ZNG1B: variants seen among roughly 807,000 people sequenced by gnomAD.
ZNG1B encodes the protein Zn regulated GTPase metalloprotein activator 1B, also known as zinc-regulated GTPase metalloprotein activator 1B.
chr2:113,486,867 T>A, the ZNG1B span, among the ~76,000 whole-genome samples: 1 of 152,166 alleles, frequency 6.6e-6, no homozygotes, highest in African/African-American at 2.4e-5. Flanking sequence ...TAAACATTTT[T>A]GAAGACTAAA....
the ZNG1B span, among the ~76,000 whole-genome samples, chr2:113,483,016 T>C: frequency 6.8e-6 from 1 of 146,218 alleles, no homozygotes; most frequent in Non-Finnish European, 1.5e-5. Flanking sequence ...CACCTTTCCC[T>C]GTGAAACTTT....
At chr2:113,472,704 G>A in the ZNG1B span, among the ~76,000 whole-genome samples, 1 of 151,748 alleles carries the variant, frequency 6.6e-6, no homozygotes, top group African/African-American at 2.4e-5. Flanking sequence ...TTCTACATAT[G>A]GCTAGCCAGT....
At chr2:113,450,643 G>A in the ZNG1B span, among the ~76,000 whole-genome samples, 1 of 138,056 alleles carries the variant, frequency 7.2e-6, no homozygotes, top group Non-Finnish European at 1.5e-5. Context: ...TGCCACTTGT[G>A]TGCCCTATTC....
the ZNG1B span, chr2:113,438,948 CTG>C: frequency 6.5e-7 from 1 of 1,530,218 alleles, no homozygotes; most frequent in East Asian, 2.5e-5. Context: ...ACTTTGTAGA[CTG>C]TAAGTTTATT....
At chr2:113,444,125 A>G in the ZNG1B span, 1 of 432,398 alleles carries the variant, frequency 2.3e-6, no homozygotes, top group Non-Finnish European at 4.3e-6. Context: ...AGTGCATGAA[A>G]GTCTCATATG....
the ZNG1B span, among the ~76,000 whole-genome samples, chr2:113,439,950 T>G: frequency 7.7e-6 from 1 of 129,546 alleles, no homozygotes; most frequent in Non-Finnish European, 1.6e-5. Context: ...AGTGGCGGGA[T>G]CTCGGCTCAC....
chr2:113,464,029 T>C, the ZNG1B span, among the ~76,000 whole-genome samples: 1 of 151,324 alleles, frequency 6.6e-6, no homozygotes, highest in South Asian at 2.1e-4. Context: ...GTTTTTGGCA[T>C]AAAAGGAATG....
chr2:113,485,217 T>C, the ZNG1B span, among the ~76,000 whole-genome samples: 6 of 138,366 alleles, frequency 4.3e-5, no homozygotes, highest in African/African-American at 1.4e-4. Context: ...AAAAGAGCAA[T>C]ACGGATGTTT....
the ZNG1B span, chr2:113,445,253 C>G: frequency 5.2e-6 from 3 of 582,114 alleles, no homozygotes; most frequent in Admixed American, 3.3e-5. Flanking sequence ...TTTCTTGGTA[C>G]TTTTAAGCTG....
chr2:113,446,607 C>T, the ZNG1B span, among the ~76,000 whole-genome samples: 10 of 149,408 alleles, frequency 6.7e-5, no homozygotes, highest in Admixed American at 1.3e-4. Context: ...ACTAGCCAGG[C>T]GTTGTGGCGC....
At chr2:113,488,896 C>T in the ZNG1B span, among the ~76,000 whole-genome samples, 241 of 151,798 alleles carry the variant, frequency 1.6e-3, no homozygotes, top group Middle Eastern at 0.014. Context: ...TAAGAATAAC[C>T]GGCATTCCTG....
chr2:113,473,939 T>TA, the ZNG1B span, among the ~76,000 whole-genome samples: 1 of 145,668 alleles, frequency 6.9e-6, no homozygotes, highest in Non-Finnish European at 1.5e-5. Flanking sequence ...GATATTGGTC[T>TA]AAAATTCTCT....
the ZNG1B span, among the ~76,000 whole-genome samples, chr2:113,480,331 T>C: frequency 7.2e-5 from 11 of 151,836 alleles, no homozygotes; most frequent in African/African-American, 2.4e-4. Context: ...TTTTTTGTAG[T>C]GACAGGCTCT....
At chr2:113,460,463 C>T in the ZNG1B span, among the ~76,000 whole-genome samples, 1 of 151,976 alleles carries the variant, frequency 6.6e-6, no homozygotes, top group South Asian at 2.1e-4. Context: ...CCTATAAAAC[C>T]CCACAGGTTC....
chr2:113,488,377 C>A, the ZNG1B span, among the ~76,000 whole-genome samples: 430 of 152,212 alleles, frequency 2.8e-3, 3 homozygotes, highest in African/African-American at 9.8e-3. Context: ...CAACCTTCAG[C>A]CCTAGACATT....
the ZNG1B span, chr2:113,437,698 G>C: frequency 2.7e-6 from 4 of 1,501,632 alleles, no homozygotes; most frequent in Non-Finnish European, 3.6e-6. Context: ...GCTAAGGGAC[G>C]AGGCGCTTCT....
chr2:113,489,250 C>T, the ZNG1B span, among the ~76,000 whole-genome samples: 1 of 151,082 alleles, frequency 6.6e-6, no homozygotes, highest in South Asian at 2.1e-4. Flanking sequence ...TTGTATTCAG[C>T]AAAACTAAGC....
chr2:113,478,754 T>C, the ZNG1B span, among the ~76,000 whole-genome samples: 1 of 151,744 alleles, frequency 6.6e-6, no homozygotes, highest in Non-Finnish European at 1.5e-5. Flanking sequence ...CCTTTTACTT[T>C]ATGAATTGGA....
chr2:113,439,228 T>C, the ZNG1B span: 6 of 1,467,576 alleles, frequency 4.1e-6, no homozygotes, highest in Non-Finnish European at 5.5e-6. Flanking sequence ...CCTGACCATT[T>C]TCCCTTTCTG....
Sources: allele counts gnomAD v4.1 joint callset (sites outside exome capture counted in the v4.1 genomes callset), GRCh38; gene constraint gnomAD v4.1.1; transcripts MANE v1.5; gene names NCBI Gene and HGNC (gene_info 2026-07-23, HGNC 2026-07-21).